Variants in GRID1 observed in about 807,000 individuals in gnomAD.
The protein encoded by GRID1 is glutamate receptor ionotropic, delta-1.
A neutral mutation model predicts 98.0 loss-of-function variants in GRID1; 28 were observed. The ratio of observed to expected loss-of-function variants is 0.29; its 90% CI spans 0.21 to 0.39. GRID1 has a LOEUF of 0.39. Ranked by LOEUF, GRID1 falls within the 10% of genes least tolerant of loss-of-function variation. The probability of loss-of-function intolerance (pLI) is 1.00; values close to 1 mark genes in which losing one functional copy is unlikely to be tolerated. For synonymous variants in GRID1, 553 were observed against 538.5 expected, an observed-to-expected ratio of 1.03 and a Z score of -0.37; for missense variants, 1,111 against 1,340.5, an observed-to-expected ratio of 0.83 and a Z score of 2.67.
intron 12 of GRID1, among the ~76,000 whole-genome samples, chr10:85,658,387 T>A (rs1490825929): frequency 6.6e-6 from 1 of 152,202 alleles, no homozygotes; most frequent in East Asian, 1.9e-4. Context: ...AGCCCCTTCA[T>A]AAAGTTATTA....
chr10:85,662,530 G>C (rs1004606302), intron 12 of GRID1, among the ~76,000 whole-genome samples: 2 of 152,134 alleles, frequency 1.3e-5, no homozygotes, highest in Non-Finnish European at 2.9e-5. Flanking sequence ...TGGATCCCCA[G>C]CTCCCTCCGT....
chr10:86,256,329 G>A (rs1012104414), intron 2 of GRID1, among the ~76,000 whole-genome samples: 1 of 152,210 alleles, frequency 6.6e-6, no homozygotes, highest in African/African-American at 2.4e-5. Context: ...TCAGGGTGCT[G>A]TGGTTCACAC....
chr10:85,716,873 T>C (rs554118359), intron 12 of GRID1, among the ~76,000 whole-genome samples: 1 of 152,214 alleles, frequency 6.6e-6, no homozygotes, highest in South Asian at 2.1e-4. Flanking sequence ...TACTGAATGC[T>C]CTCACTTATA....
intron 4 of GRID1, among the ~76,000 whole-genome samples, chr10:86,124,606 A>G (rs893354457): frequency 1.3e-5 from 2 of 152,118 alleles, no homozygotes; most frequent in Non-Finnish European, 2.9e-5. Context: ...CACTACCCAC[A>G]TGACTTTTGG....
At chr10:86,301,247 G>A (rs1318397963) in intron 2 of GRID1, among the ~76,000 whole-genome samples, 1 of 152,180 alleles carries the variant, frequency 6.6e-6, no homozygotes, top group Admixed American at 6.5e-5. Flanking sequence ...TGGGGGCCCT[G>A]GCAGACTCTA....
intron 15 of GRID1, among the ~76,000 whole-genome samples, chr10:85,612,148 G>A (rs1241507669): frequency 2.0e-5 from 3 of 152,184 alleles, no homozygotes; most frequent in Non-Finnish European, 4.4e-5. Context: ...GTCCTGTAAG[G>A]AGCGAGGGAC....
chr10:86,255,524 C>G (rs1197153793), intron 2 of GRID1, among the ~76,000 whole-genome samples: 7 of 152,210 alleles, frequency 4.6e-5, no homozygotes, highest in Non-Finnish European at 8.8e-5. Flanking sequence ...CCCTTGCCAC[C>G]TGTGTGCACA....
At chr10:85,810,770 G>C (rs758330983) in intron 8 of GRID1, among the ~76,000 whole-genome samples, 1 of 152,122 alleles carries the variant, frequency 6.6e-6, no homozygotes, top group Admixed American at 6.5e-5. Flanking sequence ...AACTGGCTTA[G>C]TGGCTATGCA....
Position 85,694,348 on chromosome 10 carries a change from T to C in GRID1, c.1997+28655A>G, listed in dbSNP as rs113038358. On this transcript the variant is annotated intron_variant, in intron 12 of 15. Transcript: ENST00000327946. ...GGAATGTAAATTAATTAGTACAACA[T>C]CTATGGAAAACTGTATGGAGATTTC... 4.5e-3 allele frequency among the ~76,000 whole-genome samples: 683 copies of C among 151,946 alleles called. 8 individuals carry two copies. The highest frequency in any genetic ancestry group is 0.015 in the African/African-American group (631 of 41,504).
At chr10:85,848,626 A>G (rs1346052738) in intron 8 of GRID1, among the ~76,000 whole-genome samples, 1 of 152,224 alleles carries the variant, frequency 6.6e-6, no homozygotes, top group African/African-American at 2.4e-5. Context: ...AATACAACAG[A>G]AACATTAACA....
chr10:85,816,218 T>C (rs962026850), intron 8 of GRID1, among the ~76,000 whole-genome samples: 3 of 152,132 alleles, frequency 2.0e-5, no homozygotes, highest in Non-Finnish European at 4.4e-5. Context: ...CATAAATATC[T>C]TTACAAAAAT....
intron 2 of GRID1, among the ~76,000 whole-genome samples, chr10:86,285,059 A>G (rs1847410374): frequency 6.6e-6 from 1 of 152,092 alleles, no homozygotes; most frequent in South Asian, 2.1e-4. Flanking sequence ...TGAGGCAGTC[A>G]AGAAGAGGAG....
chr10:85,905,170 AG>A (rs1420775061), intron 5 of GRID1, among the ~76,000 whole-genome samples: 2 of 152,138 alleles, frequency 1.3e-5, no homozygotes, highest in Non-Finnish European at 2.9e-5. Context: ...AACAAAAGTA[AG>A]GACAATATCA....
At chr10:85,851,886 C>T (rs1215534412) in intron 8 of GRID1, among the ~76,000 whole-genome samples, 1 of 152,030 alleles carries the variant, frequency 6.6e-6, no homozygotes, top group Admixed American at 6.5e-5. Context: ...GCCACCCATC[C>T]TCAATTTTTT....
intron 4 of GRID1, among the ~76,000 whole-genome samples, chr10:86,024,287 C>T (rs1843087838): frequency 6.6e-6 from 1 of 152,164 alleles, no homozygotes; most frequent in African/African-American, 2.4e-5. Flanking sequence ...GCAAACGACC[C>T]ATTTAAACAC....
intron 5 of GRID1, among the ~76,000 whole-genome samples, chr10:85,900,256 C>T (rs1018049257): frequency 6.6e-6 from 1 of 152,140 alleles, no homozygotes; most frequent in Admixed American, 6.5e-5. Context: ...TGCGTGCAGG[C>T]GCGCTTGCTT....
At chr10:85,874,060 T>C (rs1282851773) in intron 5 of GRID1, among the ~76,000 whole-genome samples, 1 of 152,234 alleles carries the variant, frequency 6.6e-6, no homozygotes, top group African/African-American at 2.4e-5. Context: ...TTTGTTTGTT[T>C]GCCCTTACAA....
chr10:85,829,017 T>C (rs1217658038), intron 8 of GRID1, among the ~76,000 whole-genome samples: 1 of 151,948 alleles, frequency 6.6e-6, no homozygotes, highest in Non-Finnish European at 1.5e-5. Flanking sequence ...ACAGAAAACA[T>C]CAGGCCAATA....
rs138020946 is a variant in GRID1 at position 85,602,387 on chromosome 10, G to A, written c.2916C>T (p.Asn972=). ...CCGGGCTCTGCCGGAACAGCCCCCC[G>A]TTGGGTGACCTGTGTTTGCACTGCA... ...PSMQCKHRSP[N]GGLFRQSPVK... Residue 972 remains asparagine, a synonymous_variant, in exon 16 of 16, where the codon AAC becomes AAT. Coordinates refer to ENST00000327946, the MANE Select transcript of GRID1 (RefSeq NM_017551.3). 152 of 1,609,504 alleles carry A rather than the reference G, an allele frequency of 9.4e-5. No homozygotes were observed. The highest frequency in any genetic ancestry group is 1.1e-4 in the Non-Finnish European group (135 of 1,176,470).
Sources: gnomAD v4.1 joint callset for allele counts (sites outside exome capture counted in the v4.1 genomes callset) on GRCh38, gnomAD v4.1.1 for gene constraint, MANE v1.5 for transcripts, NCBI Gene and HGNC (gene_info 2026-07-23, HGNC 2026-07-21) for gene names.